The following GDF1 variants were observed in gnomAD, a reference collection of about 807,000 sequenced individuals.
GDF1 encodes the protein growth differentiation factor 1.
In GDF1, 8 loss-of-function variants were observed where a neutral mutation model predicts 7.4. That is an observed-to-expected ratio of 1.09 (90% CI 0.64 to 1.96). The LOEUF (loss-of-function observed/expected upper bound fraction) is 1.96. GDF1 is among the 30% of genes most tolerant of loss of function. The pLI is 0.00. For synonymous variants in GDF1, 311 were observed against 276.7 expected (o/e 1.12, Z -1.23); for missense variants, 574 against 551.5 (o/e 1.04, Z -0.41).
intron 6 of GDF1, among the ~76,000 whole-genome samples, chr19:18,873,373 G>C (rs2056008360): frequency 6.6e-6 from 1 of 152,062 alleles, no homozygotes; most frequent in South Asian, 2.1e-4. Context: ...CAGGAGGCCA[G>C]AGAGACAGAG....
In GDF1 at chr19:18,879,404, T is replaced by C; in HGVS notation, c.-570-16A>G. ...GAACCAGAACCTGCGGTGGGAGGAG[T>C]CAGGAGGCCGTGGGTGGAGGGGGAC... On this transcript the variant is annotated splice_polypyrimidine_tract_variant and intron_variant, in intron 4 of 7. Coordinates refer to ENST00000247005, the MANE Select transcript of GDF1 (RefSeq NM_001492.6). 6.4e-7 allele frequency: 1 copy of C among 1,550,932 alleles called. No homozygotes were observed. The highest frequency in any genetic ancestry group is 1.7e-4 in the Middle Eastern group (1 of 5,986).
At chr19:18,873,316 G>T (rs1489788511) in intron 6 of GDF1, among the ~76,000 whole-genome samples, 3 of 152,124 alleles carry the variant, frequency 2.0e-5, no homozygotes, top group African/African-American at 7.2e-5. Flanking sequence ...AGTCGGTGTG[G>T]ATTAAGTGTG....
At chr19:18,874,407 C>T (rs2056026412) in intron 6 of GDF1, among the ~76,000 whole-genome samples, 1 of 152,186 alleles carries the variant, frequency 6.6e-6, no homozygotes, top group Admixed American at 6.5e-5. Context: ...GGGCTCAAGC[C>T]ATCCTCCAGC....
rs2056098476 is a variant in GDF1, at chr19:18,878,156, G to A, written c.-313+774C>T. On this transcript the variant is annotated intron_variant, in intron 6 of 7. Coordinates refer to ENST00000247005, the MANE Select transcript of GDF1 (RefSeq NM_001492.6). The surrounding 1 kb of genome is among the most constrained non-coding windows in gnomAD (Gnocchi z 4.6). Reference sequence around the variant, plus strand: ...CCCACCGGCCAAATCAGAGGGCCTGGCTGGTCGGCACCTTCCAGGGCCTTC... The same window carrying A: ...CCCACCGGCCAAATCAGAGGGCCTGACTGGTCGGCACCTTCCAGGGCCTTC... 2 of 985,478 alleles carry A rather than the reference G, an allele frequency of 2.0e-6. No individual in the cohort carries two copies. The highest frequency in any genetic ancestry group is 1.2e-6 in the Non-Finnish European group (1 of 830,042). The allele number at this position is 985,478 out of a possible 1,614,324, so 61.0% of individuals were successfully genotyped here.
At chr19:18,879,120 G>A (rs938217328) in intron 5 of GDF1, 81 bp from the exon 6 acceptor site, 42 of 1,585,386 alleles carry the variant, frequency 2.6e-5, no homozygotes, top group Middle Eastern at 3.3e-4. Flanking sequence ...CTCCTGTCCC[G>A]GGCCCTCCAC....
chr19:18,881,439 C>T (rs191601824), intron 3 of GDF1, among the ~76,000 whole-genome samples: 33 of 152,076 alleles, frequency 2.2e-4, no homozygotes, highest in Admixed American at 1.1e-3. Flanking sequence ...CCGCTGATCT[C>T]GAATTCCCAA....
chr19:18,870,610 C>T lies in GDF1; in HGVS notation c.-303G>A. ...GCTTGTCCTTCACCAGGCCGTTCCT[C>T]AGTGGCTTCCTGGGGGTCAGAACCG... On this transcript the variant is annotated 5_prime_UTR_variant, in exon 7 of 8. Transcript: ENST00000247005. The surrounding 1 kb of genome is among the most constrained non-coding windows in gnomAD (Gnocchi z 5.1). 3.5e-6 allele frequency: 2 copies of T among 577,142 alleles called. No individual in the cohort carries two copies. The highest frequency in any genetic ancestry group is 3.1e-5 in the Admixed American group (1 of 32,564). The allele number at this position is 577,142 out of a possible 1,614,324, so 35.8% of individuals were successfully genotyped here.
chr19:18,890,776 G>C (rs995641171), intron 2 of GDF1, among the ~76,000 whole-genome samples: 1 of 121,918 alleles, frequency 8.2e-6, no homozygotes, highest in African/African-American at 2.9e-5. Context: ...GTAAGACCGC[G>C]TCTGGGGAAA....
intron 6 of GDF1, among the ~76,000 whole-genome samples, chr19:18,871,763 G>A (rs1029053160): frequency 6.6e-6 from 1 of 152,214 alleles, no homozygotes; most frequent in Non-Finnish European, 1.5e-5. Flanking sequence ...TCTGAGAGGA[G>A]ATAAGCCTTG....
rs111874085 is a variant in GDF1, at chr19:18,880,359, T to C, written c.-656A>G. On this transcript the variant is annotated 5_prime_UTR_variant, in exon 4 of 8. Coordinates refer to ENST00000247005, the MANE Select transcript of GDF1 (RefSeq NM_001492.6). ...GAGCCGCCGCGGGACTTGAAGTAAA[T>C]GTTGAGCTTGGTGAACTCAAGCTGC... The C allele has an allele frequency of 8.3e-6, 13 of 1,570,064 alleles. No homozygotes were observed. The highest frequency in any genetic ancestry group is 8.1e-5 in the African/African-American group (6 of 73,974).
intron 2 of GDF1, among the ~76,000 whole-genome samples, chr19:18,890,394 C>T (rs995756734): frequency 1.3e-5 from 2 of 152,222 alleles, no homozygotes; most frequent in African/African-American, 4.8e-5. Context: ...TTCTCTGACC[C>T]GTTACTAGCT....
chr19:18,875,451 G>A (rs1290469958), intron 6 of GDF1, among the ~76,000 whole-genome samples: 1 of 151,518 alleles, frequency 6.6e-6, no homozygotes, highest in African/African-American at 2.4e-5. Context: ...GCTGAGGCAG[G>A]AGAATTACTT....
chr19:18,878,139 C>T lies in GDF1; in HGVS notation c.-313+791G>A. ...CCACGTCACCGATGGCCCCCACCGGCCAAATCAGAGGGCCTGGCTGGTCGG... is the reference window on the plus strand; with the variant it reads ...CCACGTCACCGATGGCCCCCACCGGTCAAATCAGAGGGCCTGGCTGGTCGG... On this transcript the variant is annotated intron_variant, in intron 6 of 7. Coordinates refer to ENST00000247005, the MANE Select transcript of GDF1 (RefSeq NM_001492.6). The surrounding 1 kb of genome is among the most constrained non-coding windows in gnomAD (Gnocchi z 4.6). 3 of 985,568 alleles carry T rather than the reference C, an allele frequency of 3.0e-6. No individual in the cohort carries two copies. In the South Asian group the frequency reaches 1.4e-4, roughly 46 times the overall value. The allele number at this position is 985,568 out of a possible 1,614,324, so 61.1% of individuals were successfully genotyped here.
At chr19:18,888,520 A>G (rs1418869881) in intron 2 of GDF1, among the ~76,000 whole-genome samples, 30 of 35,610 alleles carry the variant, frequency 8.4e-4, no homozygotes, top group Admixed American at 3.0e-3. Flanking sequence ...CCTGTCTCTT[A>G]AAAAAAAAAA....
Position 18,870,762 on chromosome 19 carries a change from CGCCTTCACCCTGCCCCTCCTT to C in GDF1, c.-312-164_-312-144del, listed in dbSNP as rs1284472854. 48 of 440,016 alleles carry C rather than the reference CGCCTTCACCCTGCCCCTCCTT, an allele frequency of 1.1e-4. No homozygotes were observed. Among genetic ancestry groups the C allele is most frequent in the South Asian group, 5.6e-4 (8 of 14,358 alleles). The allele number at this position is 440,016 out of a possible 1,614,324, so 27.3% of individuals were successfully genotyped here. A position where few individuals can be genotyped will look rare whatever the true frequency, so the allele number is the denominator to read the frequency against. On this transcript the variant is annotated intron_variant, in intron 6 of 7. Transcript: ENST00000247005. The surrounding 1 kb of genome is among the most constrained non-coding windows in gnomAD (Gnocchi z 5.1). Reference sequence around the variant, plus strand: ...GGGCCTCGCCTTGTGGCTTCCTCCTCGCCTTCACCCTGCCCCTCCTTGCCTTCACCCTGCCCCTCCTTCAAC... The same window carrying C: ...GGGCCTCGCCTTGTGGCTTCCTCCTCGCCTTCACCCTGCCCCTCCTTCAAC...
At chr19:18,879,085 C>T (rs2056126440) in intron 5 of GDF1, 46 bp from the exon 6 acceptor site, 2 of 1,602,852 alleles carry the variant, frequency 1.2e-6, no homozygotes, top group African/African-American at 2.7e-5. Flanking sequence ...AGCCCCCACG[C>T]CACTGCCCTG....
chr19:18,885,510 C>CGT (rs1226303525), intron 2 of GDF1, among the ~76,000 whole-genome samples: 1,671 of 29,462 alleles, frequency 0.057, 43 homozygotes, highest in Middle Eastern at 0.1. Context: ...CGCCCCTTCT[C>CGT]GTTTTTTTTT....
At chr19:18,875,258 GA>G (rs950831735) in intron 6 of GDF1, among the ~76,000 whole-genome samples, 1 of 147,970 alleles carries the variant, frequency 6.8e-6, no homozygotes, top group African/African-American at 2.5e-5. Flanking sequence ...AAGAAAGAAA[GA>G]AACAGGCTGG....
Position 18,893,420 on chromosome 19 carries a change from G to C in GDF1, c.-918C>G. The C allele has an allele frequency of 1.2e-6, 2 of 1,602,998 alleles. No individual in the cohort carries two copies. Among genetic ancestry groups the C allele is most frequent in the Non-Finnish European group, 1.7e-6 (2 of 1,175,228 alleles). ...CCATCCCCTCAGGGCCCCTACCGTAGAAGACAGATGGTGGGTCATGGAAGA... is the reference window on the plus strand; with the variant it reads ...CCATCCCCTCAGGGCCCCTACCGTACAAGACAGATGGTGGGTCATGGAAGA... On this transcript the variant is annotated 5_prime_UTR_variant, in exon 2 of 8. Transcript: ENST00000247005.
Sources: allele counts gnomAD v4.1 joint callset (sites outside exome capture counted in the v4.1 genomes callset), GRCh38; gene constraint gnomAD v4.1.1; non-coding constraint Gnocchi (gnomAD v3.1); transcripts MANE v1.5; gene names NCBI Gene and HGNC (gene_info 2026-07-23, HGNC 2026-07-21).